The following NCKAP5 variants were observed in gnomAD, a reference collection of about 807,000 sequenced individuals.
NCKAP5 encodes NCK associated protein 5.
NCKAP5 carries 92 observed loss-of-function variants against 167.0 expected under a neutral mutation model. The ratio of observed to expected loss-of-function variants is 0.55; its 90% CI spans 0.47 to 0.66. The LOEUF is 0.66. NCKAP5 is among the 30% of genes least tolerant of loss of function. The probability of loss-of-function intolerance (pLI) is 0.00; values close to 1 mark genes in which losing one functional copy is unlikely to be tolerated. For synonymous variants in NCKAP5, 891 were observed against 877.4 expected, an observed-to-expected ratio of 1.02 and a Z score of -0.27; for missense variants, 2,378 against 2,315.0, an observed-to-expected ratio of 1.03 and a Z score of -0.56.
chr2:133,293,625 T>C (rs1679751118), intron 4 of NCKAP5, among the ~76,000 whole-genome samples: 1 of 152,186 alleles, frequency 6.6e-6, no homozygotes, highest in Admixed American at 6.5e-5. Context: ...CAGCAGTCTA[T>C]AATAAGTATC....
chr2:132,898,072 T>G (rs570181457), intron 8 of NCKAP5, among the ~76,000 whole-genome samples: 4 of 152,254 alleles, frequency 2.6e-5, no homozygotes, highest in Non-Finnish European at 5.9e-5. Context: ...ACAGTGGAAC[T>G]TCTTCCAGAA....
intron 8 of NCKAP5, among the ~76,000 whole-genome samples, chr2:132,936,656 CTG>C (rs1351846587): frequency 3.3e-5 from 5 of 152,048 alleles, no homozygotes; most frequent in Non-Finnish European, 5.9e-5. Flanking sequence ...CCAAAAGAAA[CTG>C]TTATCTGAGT....
chr2:132,898,418 T>C (rs1336171367), intron 8 of NCKAP5, among the ~76,000 whole-genome samples: 1 of 152,228 alleles, frequency 6.6e-6, no homozygotes, highest in East Asian at 1.9e-4. Context: ...CTCCCGTTAA[T>C]GTTTATATTT....
At chr2:133,671,483 A>G in the NCKAP5 span, among the ~76,000 whole-genome samples, 1 of 152,090 alleles carries the variant, frequency 6.6e-6, no homozygotes, top group African/African-American at 2.4e-5. Context: ...TAATTGGTTA[A>G]TGGATTAATG....
chr2:133,612,871 G>A, the NCKAP5 span, among the ~76,000 whole-genome samples: 7 of 152,180 alleles, frequency 4.6e-5, no homozygotes, highest in African/African-American at 1.7e-4. Context: ...GCGGTTTGCT[G>A]AATTAACCAG....
intron 5 of NCKAP5, among the ~76,000 whole-genome samples, chr2:133,194,468 G>A (rs12691834): frequency 0.3 from 45,049 of 151,816 alleles, 7,417 homozygotes; most frequent in East Asian, 0.78. Flanking sequence ...TTAATTACGT[G>A]TAGGACAAGC....
intron 3 of NCKAP5, among the ~76,000 whole-genome samples, chr2:133,408,292 C>A (rs754292254): frequency 7.2e-5 from 11 of 152,268 alleles, no homozygotes; most frequent in Admixed American, 3.3e-4. Flanking sequence ...AATACTACTG[C>A]TTGTATAATG....
intron 16 of NCKAP5, among the ~76,000 whole-genome samples, chr2:132,759,880 CT>C (rs796359133): frequency 1.3e-5 from 2 of 151,468 alleles, no homozygotes; most frequent in African/African-American, 2.4e-5. Flanking sequence ...CTGTATTTTT[CT>C]TTTTTTTCAT....
chr2:133,395,348 G>T (rs1687669608), intron 3 of NCKAP5, among the ~76,000 whole-genome samples: 1 of 152,194 alleles, frequency 6.6e-6, no homozygotes, highest in Admixed American at 6.6e-5. Flanking sequence ...ATAATGGCCA[G>T]TGCTGAAGAT....
intron 11 of NCKAP5, among the ~76,000 whole-genome samples, chr2:132,856,139 G>A (rs1018159100): frequency 2.4e-4 from 36 of 152,140 alleles, no homozygotes; most frequent in African/African-American, 8.2e-4. Context: ...TCCAGTATGG[G>A]GAAAGTTCAC....
At chr2:133,537,168 T>C (rs969475464) in intron 2 of NCKAP5, among the ~76,000 whole-genome samples, 1 of 152,120 alleles carries the variant, frequency 6.6e-6, no homozygotes, top group Admixed American at 6.5e-5. Flanking sequence ...ATGTCTAGCC[T>C]TATGTCAGCA....
At chr2:133,621,063 T>C in the NCKAP5 span, among the ~76,000 whole-genome samples, 7 of 152,176 alleles carry the variant, frequency 4.6e-5, no homozygotes, top group Non-Finnish European at 1.0e-4. Flanking sequence ...TAAAAATTTC[T>C]TTGAATTGAA....
chr2:132,845,180 C>A (rs941969372), intron 11 of NCKAP5, among the ~76,000 whole-genome samples: 1 of 152,088 alleles, frequency 6.6e-6, no homozygotes, highest in East Asian at 1.9e-4. Flanking sequence ...AATTCTAATT[C>A]ATGGAATTAC....
At chr2:133,666,240 C>G in the NCKAP5 span, among the ~76,000 whole-genome samples, 1 of 145,726 alleles carries the variant, frequency 6.9e-6, no homozygotes, top group Non-Finnish European at 1.5e-5. Flanking sequence ...TCTTGTCACC[C>G]AGACTGGAGT....
intron 3 of NCKAP5, among the ~76,000 whole-genome samples, chr2:133,509,307 G>A (rs1488410633): frequency 6.6e-6 from 1 of 152,172 alleles, no homozygotes. Context: ...TGGGACTCAA[G>A]AGAATCCAGG....
At chr2:133,100,676 A>G (rs1250464158) in intron 6 of NCKAP5, among the ~76,000 whole-genome samples, 1 of 152,190 alleles carries the variant, frequency 6.6e-6, no homozygotes, top group Non-Finnish European at 1.5e-5. Flanking sequence ...TATAAATTAC[A>G]TTCTCAAATG....
chr2:133,071,033 T>C (rs1398132711), intron 6 of NCKAP5, among the ~76,000 whole-genome samples: 1 of 152,200 alleles, frequency 6.6e-6, no homozygotes, highest in Non-Finnish European at 1.5e-5. Context: ...ATCCATCAAT[T>C]ACTTTGGAGC....
chr2:132,869,675 T>C (rs1406444475), intron 9 of NCKAP5, among the ~76,000 whole-genome samples: 1 of 152,152 alleles, frequency 6.6e-6, no homozygotes, highest in African/African-American at 2.4e-5. Context: ...CAATAAGACA[T>C]AAGCAGACTA....
intron 16 of NCKAP5, among the ~76,000 whole-genome samples, chr2:132,743,091 C>G (rs1308110899): frequency 6.9e-6 from 1 of 144,822 alleles, no homozygotes; most frequent in Non-Finnish European, 1.5e-5. Flanking sequence ...CACACACACA[C>G]AATTGCAGTG....
Sources: gnomAD v4.1 joint callset for allele counts (sites outside exome capture counted in the v4.1 genomes callset) on GRCh38, gnomAD v4.1.1 for gene constraint, MANE v1.5 for transcripts, NCBI Gene and HGNC (gene_info 2026-07-23, HGNC 2026-07-21) for gene names.